The following ARL15 variants were observed in gnomAD, a reference collection of about 807,000 sequenced individuals.
The protein encoded by ARL15 is ARF like GTPase 15.
In ARL15, 19 loss-of-function variants were observed where a neutral mutation model predicts 25.2. That is an observed-to-expected ratio of 0.75 (90% CI 0.53 to 1.10). The LOEUF (loss-of-function observed/expected upper bound fraction) is 1.10, where lower values mean the gene tolerates loss of function less well. Among genes scored for constraint, ARL15 ranks in the 50% least tolerant of loss-of-function variants. ARL15 has a pLI of 0.00. For missense variants in ARL15, 220 were observed against 246.0 expected (o/e 0.89, Z 0.71); for synonymous variants, 94 against 86.8 (o/e 1.08, Z -0.46).
chr5:54,145,872 T>C (rs1488303471), intron 3 of ARL15, among the ~76,000 whole-genome samples: 1 of 152,184 alleles, frequency 6.6e-6, no homozygotes, highest in Non-Finnish European at 1.5e-5. Flanking sequence ...CTTAAGATTA[T>C]GGTTTGTTTT....
At chr5:54,292,625 A>G (rs532994829) in intron 1 of ARL15, among the ~76,000 whole-genome samples, 5 of 152,330 alleles carry the variant, frequency 3.3e-5, no homozygotes, top group South Asian at 2.1e-4. Context: ...TAGTAACTAT[A>G]CCTATAGAAA....
At chr5:54,075,712 C>A (rs916376079) in intron 4 of ARL15, 3 of 152,214 alleles carry the variant, frequency 2.0e-5, no homozygotes, top group African/African-American at 7.2e-5. Flanking sequence ...GTCTCGAACT[C>A]CTGGCCTCAG....
intron 2 of ARL15, among the ~76,000 whole-genome samples, chr5:54,170,893 G>A (rs1452582814): frequency 6.6e-6 from 1 of 152,148 alleles, no homozygotes; most frequent in East Asian, 1.9e-4. Context: ...TAAGCTGGCT[G>A]ATGAACAATC....
intron 4 of ARL15, among the ~76,000 whole-genome samples, chr5:54,110,708 G>A (rs1429546377): frequency 6.6e-6 from 1 of 152,016 alleles, no homozygotes; most frequent in Non-Finnish European, 1.5e-5. Flanking sequence ...AGAATAAAAA[G>A]ACGACCGTTA....
In ARL15 at chr5:53,936,047, C is replaced by T. The variant is rs192965308; in HGVS notation, c.463-49334G>A. On this transcript the variant is annotated intron_variant, in intron 4 of 4. Coordinates refer to ENST00000504924, the MANE Select transcript of ARL15 (RefSeq NM_019087.3). ...TACAGGCGTGGCCATCGTGCCCGGC[C>T]TCTGAGGTTTATTTGTAATCTCAGA... 9.3e-4 allele frequency among the ~76,000 whole-genome samples: 141 copies of T among 151,958 alleles called. 2 individuals are homozygous for T. Among genetic ancestry groups the T allele is most frequent in the African/African-American group, 3.2e-3 (132 of 41,394 alleles).
At chr5:53,963,801 T>G (rs1747449192) in intron 4 of ARL15, among the ~76,000 whole-genome samples, 1 of 122,732 alleles carries the variant, frequency 8.1e-6, no homozygotes, top group East Asian at 2.3e-4. Context: ...AGAGTGAAAC[T>G]CCATCACACA....
chr5:54,186,342 A>G (rs141817765), intron 1 of ARL15, among the ~76,000 whole-genome samples: 4 of 152,348 alleles, frequency 2.6e-5, no homozygotes, highest in Admixed American at 2.6e-4. Context: ...ATTGGTGATG[A>G]GAGAGGCAGA....
intron 4 of ARL15, among the ~76,000 whole-genome samples, chr5:54,069,553 C>T (rs549622754): frequency 8.7e-5 from 3 of 34,482 alleles, no homozygotes; most frequent in Non-Finnish European, 1.1e-4. Flanking sequence ...AACAGCAAAA[C>T]GTCTCAAAAA....
At chr5:53,941,543 T>C (rs1284254922) in intron 4 of ARL15, among the ~76,000 whole-genome samples, 3 of 152,218 alleles carry the variant, frequency 2.0e-5, no homozygotes, top group Non-Finnish European at 2.9e-5. Flanking sequence ...AGATAAATGA[T>C]GCCCAATTCT....
chr5:54,307,041 G>C (rs1758774513), intron 1 of ARL15, among the ~76,000 whole-genome samples: 1 of 152,218 alleles, frequency 6.6e-6, no homozygotes, highest in Non-Finnish European at 1.5e-5. Context: ...GAAAGAGTAA[G>C]ATGCTGGTAC....
chr5:54,202,481 A>G (rs573774213), intron 1 of ARL15, among the ~76,000 whole-genome samples: 1 of 152,214 alleles, frequency 6.6e-6, no homozygotes, highest in Non-Finnish European at 1.5e-5. Flanking sequence ...CCAATAGCCA[A>G]GGAATTCAGG....
intron 4 of ARL15, among the ~76,000 whole-genome samples, chr5:53,926,078 C>T (rs777927324): frequency 6.1e-5 from 9 of 147,340 alleles, no homozygotes. Flanking sequence ...TACATCATCG[C>T]AATCCAAGTA....
intron 1 of ARL15, among the ~76,000 whole-genome samples, chr5:54,236,177 C>T (rs1579938020): frequency 6.6e-6 from 1 of 152,154 alleles, no homozygotes; most frequent in African/African-American, 2.4e-5. Flanking sequence ...ATAGCTACTC[C>T]TTCCAACTGA....
Position 54,113,278 on chromosome 5 carries a change from T to TGCTGAAGA in ARL15, c.378_385dup (p.His129LeufsTer13), listed in dbSNP as rs1561228639. On this transcript the variant is annotated frameshift_variant, in exon 4 of 5. Transcript: ENST00000504924. LOFTEE classifies it high-confidence loss of function. ...AAAGGGTAAAGTGCATAACTGTGGATGCTGAAGAGCTGAGTGCAGCTCATT... is the reference window on the plus strand; with the variant it reads ...AAAGGGTAAAGTGCATAACTGTGGATGCTGAAGAGCTGAAGAGCTGAGTGCAGCTCATT... 1 of 1,613,976 alleles carries TGCTGAAGA rather than the reference T, an allele frequency of 6.2e-7. No individual in the cohort carries two copies. Among genetic ancestry groups the TGCTGAAGA allele is most frequent in the Admixed American group, 1.7e-5 (1 of 60,024 alleles).
intron 1 of ARL15, among the ~76,000 whole-genome samples, chr5:54,297,149 T>G (rs1053021741): frequency 2.6e-5 from 4 of 152,218 alleles, no homozygotes; most frequent in Non-Finnish European, 5.9e-5. Context: ...CGGCCTATTT[T>G]TTTCTACTAA....
intron 1 of ARL15, among the ~76,000 whole-genome samples, chr5:54,253,064 G>T (rs1471663830): frequency 1.3e-5 from 2 of 152,018 alleles, no homozygotes; most frequent in Non-Finnish European, 2.9e-5. Flanking sequence ...CAAGAATCAG[G>T]AGAGGGGACA....
chr5:54,013,816 T>G (rs1749318366), intron 4 of ARL15, among the ~76,000 whole-genome samples: 1 of 152,142 alleles, frequency 6.6e-6, no homozygotes, highest in Non-Finnish European at 1.5e-5. Context: ...TCACTTGTAA[T>G]CAATCAGCAG....
In ARL15 at chr5:53,885,690, T is replaced by G. The variant is rs1326343704; in HGVS notation, c.*871A>C. On this transcript the variant is annotated 3_prime_UTR_variant, in exon 5 of 5. Transcript: ENST00000504924. ...CTTTTTCTGGCTGTTTTTAAAATTT[T>G]TATCTATTATTTTAAAAATTATTTT... 6.6e-6 allele frequency: 1 copy of G among 152,508 alleles called. No individual in the cohort carries two copies. The highest frequency in any genetic ancestry group is 1.5e-5 in the Non-Finnish European group (1 of 68,024). 9.4% of individuals were successfully genotyped at this position (152,508 alleles called of 1,614,324 possible).
intron 4 of ARL15, among the ~76,000 whole-genome samples, chr5:54,004,728 TGGTTACAAATTTGTAGG>T (rs1322071949): frequency 6.6e-6 from 1 of 152,024 alleles, no homozygotes; most frequent in African/African-American, 2.4e-5. Flanking sequence ...TACTGCTGGA[TGGTTACAAATTTGTAGG>T]GGTACGAGCA....
Sources: gnomAD v4.1 joint callset for allele counts (sites outside exome capture counted in the v4.1 genomes callset) on GRCh38, gnomAD v4.1.1 for gene constraint, MANE v1.5 for transcripts, NCBI Gene and HGNC (gene_info 2026-07-23, HGNC 2026-07-21) for gene names.